Variants in HNRNPU observed in about 807,000 individuals in gnomAD.
The protein encoded by HNRNPU is HNRNPU antisense RNA 1.
HNRNPU carries 5 observed loss-of-function variants against 94.7 expected under a neutral mutation model. The ratio of observed to expected loss-of-function variants is 0.05; its 90% confidence interval spans 0.03 to 0.11. HNRNPU has a LOEUF of 0.11. HNRNPU is among the 10% of genes least tolerant of loss of function. HNRNPU has a pLI of 1.00. For missense variants in HNRNPU, 710 were observed against 1,049.2 expected, an observed-to-expected ratio of 0.68 and a Z score of 4.47; for synonymous variants, 434 against 381.6, an observed-to-expected ratio of 1.14 and a Z score of -1.60.
In HNRNPU at chr1:244,863,661, G is replaced by A. The variant is rs1247231873; in HGVS notation, c.647C>T (p.Ala216Val). The A allele has an allele frequency of 1.0e-5, 16 of 1,559,462 alleles. No homozygotes were observed. Among genetic ancestry groups the A allele is most frequent in the Non-Finnish European group, 1.3e-5 (15 of 1,164,234 alleles). Residue 216 changes from alanine (A) to valine (V), a missense_variant, in exon 1 of 14, where the codon GCG becomes GTG. Ala to Val is a moderately conservative substitution (Grantham distance 64). Transcript: ENST00000640218. The part of the protein sequence containing the change: ...GQQQAGGKKK[A>V]EGGGGGGRPG... Reference sequence around the variant, plus strand: ...GCGACCGCCGCCTCCGCCGCCTTCCGCCTTCTTCTTACCTCCCGCCTGCTG... The same window carrying A: ...GCGACCGCCGCCTCCGCCGCCTTCCACCTTCTTCTTACCTCCCGCCTGCTG...
rs1680522212 is a variant in HNRNPU, at chr1:244,850,599, TTA to T, written c.*3849_*3850del. The T allele has an allele frequency of 6.6e-6, 1 of 152,120 alleles. No homozygotes were observed. The highest frequency in any genetic ancestry group is 2.4e-5 in the African/African-American group (1 of 41,422). The allele number at this position is 152,120 out of a possible 1,614,324, so 9.4% of individuals were successfully genotyped here. On this transcript the variant is annotated 3_prime_UTR_variant, in exon 14 of 14. Coordinates refer to ENST00000640218, the MANE Select transcript of HNRNPU (RefSeq NM_031844.3). ...TGTATTAGTAATTCAAATTACTGTT[TTA>T]GAGATCTCAGGTAGTTAACCAATTC...
At chr1:244,863,430 G>GCGCA (rs1264715237) in intron 1 of HNRNPU, among the ~76,000 whole-genome samples, 187 bp downstream of exon 1, 29 of 149,198 alleles carry the variant, frequency 1.9e-4, no homozygotes, top group African/African-American at 6.5e-4. Flanking sequence ...ACGCGCGCGC[G>GCGCA]CACACACACG....
chr1:244,855,767 A>G lies in HNRNPU; in HGVS notation c.2167+137T>C, dbSNP rs537196847. 16 of 1,254,892 alleles carry G rather than the reference A, an allele frequency of 1.3e-5. No individual in the cohort carries two copies. In the East Asian group the frequency reaches 2.3e-4, roughly 18 times the overall value. The allele number at this position is 1,254,892 out of a possible 1,614,324, so 77.7% of individuals were successfully genotyped here. ...CATTAACATAACCTAGGTGTATTTAATATCAAATCACATGAATACTTTAGT... is the reference window on the plus strand; with the variant it reads ...CATTAACATAACCTAGGTGTATTTAGTATCAAATCACATGAATACTTTAGT... On this transcript the variant is annotated intron_variant, in intron 11 of 13. Transcript: ENST00000640218.
chr1:244,854,977 T>G lies in HNRNPU; in HGVS notation c.2420A>C (p.Gln807Pro), dbSNP rs1680640796. The G allele has an allele frequency of 6.2e-7, 1 of 1,609,300 alleles. No homozygotes were observed. Among genetic ancestry groups the G allele is most frequent in the East Asian group, 2.2e-5 (1 of 44,864 alleles). ...AGCACATAAGAAATTACTTACACCCTGCTGCCACTGGTTGTAGCCCTGAGA... is the reference window on the plus strand; with the variant it reads ...AGCACATAAGAAATTACTTACACCCGGCTGCCACTGGTTGTAGCCCTGAGA... ...NQSQGYNQWQ[Q>P]GQFWGQKPWS... The change falls in exon 13 of 14, where the codon CAG (glutamine) becomes CCG (proline). Residue 807 changes from glutamine to proline, a missense_variant. Gln to Pro is a moderately conservative substitution (Grantham distance 76). Coordinates refer to ENST00000640218, the MANE Select transcript of HNRNPU (RefSeq NM_031844.3).
At position 244,853,448 on chromosome 1, in the gene HNRNPU, TAGAA is replaced by T. The variant is rs1680599031; in HGVS notation, c.*998_*1001del. On this transcript the variant is annotated 3_prime_UTR_variant, in exon 14 of 14. Coordinates refer to ENST00000640218, the MANE Select transcript of HNRNPU (RefSeq NM_031844.3). ...AATTAATTTCTCCACCCACTTTCTT[TAGAA>T]AGAAAAAGAAATCAGCAGGCTAAGG... 1 of 152,568 alleles carries T rather than the reference TAGAA, an allele frequency of 6.6e-6. No individual in the cohort carries two copies. The highest frequency in any genetic ancestry group is 3.2e-3 in the Middle Eastern group (1 of 316). 9.5% of individuals were successfully genotyped at this position (152,568 alleles called of 1,614,324 possible). A position where few individuals can be genotyped will look rare whatever the true frequency, so the allele number is the denominator to read the frequency against.
At position 244,850,506 on chromosome 1, in the gene HNRNPU, C is replaced by T. The variant is rs961990884; in HGVS notation, c.*3944G>A. ...CCCCAAAAAAAAGCTTTAATAAAGG[C>T]ACTGCAGCGTTAACTAAGTTTTAGG... On this transcript the variant is annotated 3_prime_UTR_variant, in exon 14 of 14. Coordinates refer to ENST00000640218, the MANE Select transcript of HNRNPU (RefSeq NM_031844.3). 9 of 122,244 alleles carry T rather than the reference C, an allele frequency of 7.4e-5. No individual in the cohort carries two copies. Among genetic ancestry groups the T allele is most frequent in the Non-Finnish European group, 1.4e-4 (9 of 62,496 alleles). The allele number at this position is 122,244 out of a possible 1,614,324, so 7.6% of individuals were successfully genotyped here.
rs1483367975 is a variant in HNRNPU, at chr1:244,864,146, C to T, written c.162G>A (p.Glu54=). ...DEEAGGRPAM[E]PGNGSLDLGG... is the part of the protein sequence containing the mutation. ...CCAGGTCTAGGCTGCCGTTCCCGGGCTCCATGGCGGGGCGGCCCCCGGCCT... is the reference window on the plus strand; with the variant it reads ...CCAGGTCTAGGCTGCCGTTCCCGGGTTCCATGGCGGGGCGGCCCCCGGCCT... The change falls in exon 1 of 14, where the codon GAG becomes GAA. Residue 54 remains glutamate (E), a synonymous_variant. Transcript: ENST00000640218. 6.2e-7 allele frequency: 1 copy of T among 1,604,276 alleles called. No homozygotes were observed. The highest frequency in any genetic ancestry group is 1.7e-5 in the Admixed American group (1 of 58,650).
Position 244,856,326 on chromosome 1 carries a change from C to T in HNRNPU, c.1912+131G>A, listed in dbSNP as rs1680680741. The T allele has an allele frequency of 9.3e-6, 11 of 1,187,546 alleles. No individual in the cohort carries two copies. In the South Asian group the frequency reaches 1.7e-4, roughly 18 times the overall value. The allele number at this position is 1,187,546 out of a possible 1,614,324, so 73.6% of individuals were successfully genotyped here. A position where few individuals can be genotyped will look rare whatever the true frequency, so the allele number is the denominator to read the frequency against. ...AATTTTAATTCCTGAAGCAGTATTG[C>T]TGGAAAAAATGTTAACTTTCAGGAG... On this transcript the variant is annotated intron_variant, in intron 10 of 13. Coordinates refer to ENST00000640218, the MANE Select transcript of HNRNPU (RefSeq NM_031844.3).
chr1:244,855,183 C>A, intron 12 of HNRNPU, 139 bp from the exon 13 acceptor site: 2 of 744,882 alleles, frequency 2.7e-6, no homozygotes, highest in African/African-American at 1.8e-5. Context: ...TCTGGATACC[C>A]TCTGCTGGTT....
In HNRNPU at chr1:244,859,460, A is replaced by C. The variant is rs1387846572; in HGVS notation, c.1018-86T>G. On this transcript the variant is annotated intron_variant, in intron 4 of 13. Coordinates refer to ENST00000640218, the MANE Select transcript of HNRNPU (RefSeq NM_031844.3). Reference sequence around the variant, plus strand: ...CGCATATTTCATTGCGCCACGGGCTAATCTTCCTCTAGCTATAAATACAAA... The same window carrying C: ...CGCATATTTCATTGCGCCACGGGCTCATCTTCCTCTAGCTATAAATACAAA... The C allele has an allele frequency of 9.0e-6, 6 of 670,226 alleles. No homozygotes were observed. The Admixed American group carries it at 1.3e-4, about 15-fold the overall frequency. 41.5% of individuals were successfully genotyped at this position (670,226 alleles called of 1,614,324 possible). A position where few individuals can be genotyped will look rare whatever the true frequency, so the allele number is the denominator to read the frequency against.
Position 244,859,449 on chromosome 1 carries a change from C to T in HNRNPU, c.1018-75G>A, listed in dbSNP as rs977090535. 32 of 718,592 alleles carry T rather than the reference C, an allele frequency of 4.5e-5. No individual in the cohort carries two copies. In the East Asian group the frequency reaches 6.2e-4, roughly 14 times the overall value. 44.5% of individuals were successfully genotyped at this position (718,592 alleles called of 1,614,324 possible). ...CCCTTAACTCTCGCATATTTCATTG[C>T]GCCACGGGCTAATCTTCCTCTAGCT... is the stretch of plus-strand genomic sequence containing the variant. On this transcript the variant is annotated intron_variant, in intron 4 of 13. Coordinates refer to ENST00000640218, the MANE Select transcript of HNRNPU (RefSeq NM_031844.3).
At chr1:244,862,375 C>T (rs1440627064) in intron 3 of HNRNPU, 86 bp downstream of exon 3, 1 of 902,618 alleles carries the variant, frequency 1.1e-6, no homozygotes, top group Non-Finnish European at 1.7e-6. Flanking sequence ...AGTTTTGCTG[C>T]ACTTAAGCAT....
At position 244,851,790 on chromosome 1, in the gene HNRNPU, GTA is replaced by G. The variant is rs960997639; in HGVS notation, c.*2658_*2659del. 3.3e-5 allele frequency: 5 copies of G among 152,154 alleles called. No homozygotes were observed. The highest frequency in any genetic ancestry group is 5.9e-5 in the Non-Finnish European group (4 of 68,038). The allele number at this position is 152,154 out of a possible 1,614,324, so 9.4% of individuals were successfully genotyped here. ...AGAGCCCTTCAAAGGCTGTATGTGA[GTA>G]TATGAGGGAAAACTTTCCACATAAT... On this transcript the variant is annotated 3_prime_UTR_variant, in exon 14 of 14. Coordinates refer to ENST00000640218, the MANE Select transcript of HNRNPU (RefSeq NM_031844.3).
At position 244,864,030 on chromosome 1, in the gene HNRNPU, T is replaced by C; in HGVS notation, c.278A>G (p.Glu93Gly). 1 of 1,611,346 alleles carries C rather than the reference T, an allele frequency of 6.2e-7. No homozygotes were observed. Among genetic ancestry groups the C allele is most frequent in the South Asian group, 1.1e-5 (1 of 90,788 alleles). ...DEEEEEEEEE[E>G]EGISALDGDQ... ...GCCGTCCAGAGCGGAGATTCCTTCC[T>C]CCTCCTCTTCCTCTTCCTCCTCCTC... Residue 93 changes from glutamate to glycine, a missense_variant, in exon 1 of 14, where the codon GAG becomes GGG. Physicochemically the swap from Glu to Gly is moderately conservative, Grantham distance 98 (BLOSUM62 -2). Transcript: ENST00000640218.
At chr1:244,861,814 A>G (rs1046404679) in intron 3 of HNRNPU, 11 of 151,540 alleles carry the variant, frequency 7.3e-5, no homozygotes, top group African/African-American at 2.7e-4. Context: ...TTCTCACTCA[A>G]TTGCAACCCA....
chr1:244,857,895 A>G, intron 7 of HNRNPU, 116 bp downstream of exon 7: 1 of 1,299,846 alleles, frequency 7.7e-7, no homozygotes, highest in Non-Finnish European at 1.1e-6. Context: ...ACTTAAGAGC[A>G]ATATGCACAG....
rs969666901 is a variant in HNRNPU at position 244,853,566 on chromosome 1, A to AACT, written c.*881_*883dup. The AACT allele has an allele frequency of 6.6e-6, 1 of 152,422 alleles. No homozygotes were observed. Among genetic ancestry groups the AACT allele is most frequent in the African/African-American group, 2.4e-5 (1 of 41,278 alleles). 9.4% of individuals were successfully genotyped at this position (152,422 alleles called of 1,614,324 possible). ...ATTAGCTTACAAAGATGGTGGAGTT[A>AACT]ACTACTACAAGCACACTAGTTATAC... On this transcript the variant is annotated 3_prime_UTR_variant, in exon 14 of 14. Coordinates refer to ENST00000640218, the MANE Select transcript of HNRNPU (RefSeq NM_031844.3).
chr1:244,856,660 A>C, intron 9 of HNRNPU, 35 bp from the exon 10 acceptor site: 1 of 1,610,888 alleles, frequency 6.2e-7, no homozygotes, highest in Non-Finnish European at 8.5e-7. Flanking sequence ...ACAACCCTAA[A>C]CATTAATTCT....
At chr1:244,862,786 T>C (rs781011256) in intron 1 of HNRNPU, 56 bp from the exon 2 acceptor site, 5 of 1,332,308 alleles carry the variant, frequency 3.8e-6, no homozygotes, top group Non-Finnish European at 5.4e-6. Context: ...AAAAAACGCT[T>C]TTCCGTTCCG....
Sources: allele counts gnomAD v4.1 joint callset (sites outside exome capture counted in the v4.1 genomes callset), GRCh38; gene constraint gnomAD v4.1.1; transcripts MANE v1.5; gene names NCBI Gene and HGNC (gene_info 2026-07-23, HGNC 2026-07-21).